The following JMJD1C variants were observed in gnomAD, a reference collection of about 807,000 sequenced individuals.
JMJD1C encodes jumonji domain containing 1C.
Under a neutral mutation model 245.3 loss-of-function variants are expected in JMJD1C, and 31 were observed. The observed-to-expected ratio is 0.13, with a 90% CI of 0.09 to 0.17. The LOEUF (loss-of-function observed/expected upper bound fraction) is 0.17. JMJD1C is among the 10% of genes least tolerant of loss of function. The pLI, the probability that JMJD1C is intolerant of heterozygous loss-of-function variation, is 1.00. For synonymous variants in JMJD1C, 1,057 were observed against 1,017.4 expected, an observed-to-expected ratio of 1.04 and a Z score of -0.74; for missense variants, 2,691 against 3,000.2, an observed-to-expected ratio of 0.90 and a Z score of 2.41.
chr10:63,267,105 G>C (rs1855669077), intron 2 of JMJD1C, among the ~76,000 whole-genome samples: 1 of 152,116 alleles, frequency 6.6e-6, no homozygotes, highest in Admixed American at 6.6e-5. Context: ...AAGGACATGA[G>C]TACTTATAAT....
rs1219309172 is a variant in JMJD1C, at chr10:63,205,057, A to G, written c.5074+1538T>C. ...CCTAAAAAGAAATAAGCAAACTGAG[A>G]AAAACTACTACTAGAGTAAAATGAT... On this transcript the variant is annotated intron_variant, in intron 10 of 25. Transcript: ENST00000399262. 3.1e-6 allele frequency: 3 copies of G among 980,384 alleles called. No homozygotes were observed. The East Asian group carries it at 3.4e-4, about 111-fold the overall frequency. The allele number at this position is 980,384 out of a possible 1,614,324, so 60.7% of individuals were successfully genotyped here. A position where few individuals can be genotyped will look rare whatever the true frequency, so the allele number is the denominator to read the frequency against.
At chr10:63,240,835 C>T (rs575880923) in intron 3 of JMJD1C, among the ~76,000 whole-genome samples, 204 of 152,106 alleles carry the variant, frequency 1.3e-3, no homozygotes, top group Non-Finnish European at 2.5e-3. Flanking sequence ...CAATTCCAAA[C>T]GACTACAAAA....
At chr10:63,176,906 C>G (rs1301741178) in intron 23 of JMJD1C, 2 of 151,928 alleles carry the variant, frequency 1.3e-5, no homozygotes, top group Non-Finnish European at 2.9e-5. Flanking sequence ...CTTTACATGG[C>G]TAACCTTCTA....
chr10:63,204,466 A>T, intron 10 of JMJD1C: 1 of 985,346 alleles, frequency 1.0e-6, no homozygotes, highest in Non-Finnish European at 1.2e-6. Flanking sequence ...TTTTCTAGGC[A>T]TTAAAACCTG....
chr10:63,173,369 G>A (rs1446948089), intron 24 of JMJD1C, among the ~76,000 whole-genome samples: 1 of 152,100 alleles, frequency 6.6e-6, no homozygotes, highest in African/African-American at 2.4e-5. Flanking sequence ...CAACAATTTT[G>A]TAGATACTAT....
rs142441307 is a variant in JMJD1C at position 63,204,939 on chromosome 10, G to A, written c.5074+1656C>T. 1.1e-5 allele frequency: 11 copies of A among 985,382 alleles called. 1 individual carries two copies. The African/African-American group carries it at 1.9e-4, about 17-fold the overall frequency. 61.0% of individuals were successfully genotyped at this position (985,382 alleles called of 1,614,324 possible). On this transcript the variant is annotated intron_variant, in intron 10 of 25. Coordinates refer to ENST00000399262, the MANE Select transcript of JMJD1C (RefSeq NM_032776.3). The stretch of plus-strand genomic sequence containing the variant: ...ATCCAAGTGCTTGTGAAAGTACTTT[G>A]AGTGTCCACATTGTCACAGATATTT...
intron 1 of JMJD1C, among the ~76,000 whole-genome samples, chr10:63,463,849 A>G (rs1387495606): frequency 1.3e-5 from 2 of 152,196 alleles, no homozygotes; most frequent in African/African-American, 2.4e-5. Flanking sequence ...TATTCTTTCC[A>G]GTCAATCTCT....
At position 63,168,493 on chromosome 10, in the gene JMJD1C, T is replaced by C. The variant is rs549553282; in HGVS notation, c.7475A>G (p.His2492Arg). The stretch of plus-strand genomic sequence containing the variant: ...CAAAAGTCTCAGTTCCTGTGTTAAA[T>C]GAAATGACTCTACAAGATGTTCTGG... ...VSPEHLVESF[H>R]LTQELRLLKE... is the part of the protein sequence containing the mutation. Residue 2492 changes from histidine (H) to arginine (R), a missense_variant, in exon 25 of 26, where the codon CAT becomes CGT. Transcript: ENST00000399262. 1 of 1,611,142 alleles carries C rather than the reference T, an allele frequency of 6.2e-7. No individual in the cohort carries two copies. The highest frequency in any genetic ancestry group is 1.1e-5 in the South Asian group (1 of 90,742).
At chr10:63,270,473 C>T (rs181164596) in intron 2 of JMJD1C, among the ~76,000 whole-genome samples, 13 of 145,274 alleles carry the variant, frequency 8.9e-5, no homozygotes, top group Admixed American at 7.5e-4. Flanking sequence ...CCAGCCTCTT[C>T]TTTTTTTTTT....
intron 1 of JMJD1C, among the ~76,000 whole-genome samples, chr10:63,458,734 T>TA (rs1156272734): frequency 6.7e-6 from 1 of 149,318 alleles, no homozygotes. Flanking sequence ...TTTATTTATT[T>TA]TTTTTTTGAG....
rs1261413678 is a variant in JMJD1C, at chr10:63,248,564, A to AAATAAATAAATG, written c.447+16086_447+16087insCATTTATTTATT. 4.3e-4 allele frequency among the ~76,000 whole-genome samples: 65 copies of AAATAAATAAATG among 151,384 alleles called. No individual in the cohort carries two copies. In the East Asian group the frequency reaches 6.6e-3, roughly 15 times the overall value. On this transcript the variant is annotated intron_variant, in intron 3 of 25. Coordinates refer to ENST00000399262, the MANE Select transcript of JMJD1C (RefSeq NM_032776.3). ...TAAATAAATAAATAAATAAATAAAT[A>AAATAAATAAATG]AATGACAGGGAATAATGATGGACAC...
chr10:63,485,920 C>G (rs1953978711), intron 1 of JMJD1C, among the ~76,000 whole-genome samples: 1 of 151,832 alleles, frequency 6.6e-6, no homozygotes, highest in South Asian at 2.1e-4. Context: ...AGGGACAAGA[C>G]AAATAAAACG....
At chr10:63,270,578 G>A (rs149487004) in intron 2 of JMJD1C, among the ~76,000 whole-genome samples, 1,880 of 151,838 alleles carry the variant, frequency 0.012, 15 homozygotes, top group Non-Finnish European at 0.017. Flanking sequence ...GCGATCCTCC[G>A]ACCTCAGCCT....
In JMJD1C at chr10:63,305,232, G is replaced by C. The variant is rs954577305; in HGVS notation, c.334-40468C>G. On this transcript the variant is annotated intron_variant, in intron 2 of 25. Coordinates refer to ENST00000399262, the MANE Select transcript of JMJD1C (RefSeq NM_032776.3). ...AAATAAAACAAATTAGCTGGGTGTG[G>C]TGGCACGCGCCTCTAGTCCCAGCTA... 3.9e-5 allele frequency among the ~76,000 whole-genome samples: 6 copies of C among 152,080 alleles called. No individual in the cohort carries two copies. The East Asian group carries it at 1.2e-3, about 29-fold the overall frequency.
intron 1 of JMJD1C, among the ~76,000 whole-genome samples, chr10:63,408,635 G>C (rs534976489): frequency 1.3e-5 from 2 of 151,644 alleles, no homozygotes; most frequent in African/African-American, 4.8e-5. Flanking sequence ...TATCCAGTCA[G>C]GTCTGAGTCA....
intron 3 of JMJD1C, among the ~76,000 whole-genome samples, chr10:63,229,927 A>T (rs1849759747): frequency 6.6e-6 from 1 of 152,248 alleles, no homozygotes; most frequent in Non-Finnish European, 1.5e-5. Flanking sequence ...AAATAGGTTT[A>T]GGTTTTTTTC....
At chr10:63,339,600 T>C (rs778352728) in intron 2 of JMJD1C, among the ~76,000 whole-genome samples, 1 of 148,762 alleles carries the variant, frequency 6.7e-6, no homozygotes, top group Non-Finnish European at 1.5e-5. Context: ...CTGGGCAACA[T>C]AGTGAGACCA....
intron 2 of JMJD1C, among the ~76,000 whole-genome samples, chr10:63,288,695 C>T (rs2133926001): frequency 1.3e-5 from 2 of 152,140 alleles, no homozygotes; most frequent in East Asian, 1.9e-4. Flanking sequence ...GCCTGGCCAA[C>T]ATGGCAAAAC....
rs368592152 is a variant in JMJD1C, at chr10:63,465,452, G to A, written c.168+43C>T. ...TGCAAGGTACGTCTGCGAGAGCCGG[G>A]TGCGGGCGCGGCAGGGGAAAAGGGG... On this transcript the variant is annotated intron_variant, in intron 1 of 25. Coordinates refer to ENST00000399262, the MANE Select transcript of JMJD1C (RefSeq NM_032776.3). The A allele has an allele frequency of 3.3e-6, 5 of 1,533,838 alleles. No individual in the cohort carries two copies. The African/African-American group carries it at 4.1e-5, about 12-fold the overall frequency.
Sources: gnomAD v4.1 joint callset for allele counts (sites outside exome capture counted in the v4.1 genomes callset) on GRCh38, gnomAD v4.1.1 for gene constraint, MANE v1.5 for transcripts, NCBI Gene and HGNC (gene_info 2026-07-23, HGNC 2026-07-21) for gene names.